The following NRG4 variants were observed in gnomAD, a reference collection of about 807,000 sequenced individuals.
The protein encoded by NRG4 is neuregulin 4, also known as pro-neuregulin-4, membrane-bound isoform.
In NRG4, 10 loss-of-function variants were observed where a neutral mutation model predicts 15.0. That is an observed-to-expected ratio of 0.67 (90% confidence interval 0.41 to 1.13). NRG4 has a LOEUF of 1.13. NRG4 is among the 50% of genes most tolerant of loss of function. The pLI, the probability that NRG4 is intolerant of heterozygous loss-of-function variation, is 0.00. For synonymous variants in NRG4, 41 were observed against 50.1 expected (o/e 0.82, Z 0.77); for missense variants, 139 against 140.2 (o/e 0.99, Z 0.04).
chr15:76,055,664 ATAAT>A (rs140952754), intron 2 of NRG4, among the ~76,000 whole-genome samples: 5,610 of 152,284 alleles, frequency 0.037, 177 homozygotes, highest in African/African-American at 0.085. Flanking sequence ...TATTAAAAAA[ATAAT>A]TAAAATGTGC....
At chr15:75,960,256 G>A (rs1171176631) in intron 4 of NRG4, among the ~76,000 whole-genome samples, 2 of 152,164 alleles carry the variant, frequency 1.3e-5, no homozygotes, top group Non-Finnish European at 2.9e-5. Flanking sequence ...ATATTAGACT[G>A]ACAGAATGTT....
intron 4 of NRG4, among the ~76,000 whole-genome samples, chr15:76,037,265 A>G (rs1408214028): frequency 2.0e-5 from 3 of 152,174 alleles, no homozygotes; most frequent in Non-Finnish European, 4.4e-5. Flanking sequence ...CACTCACAGC[A>G]CCTGATTTTA....
intron 3 of NRG4, among the ~76,000 whole-genome samples, chr15:75,990,547 C>G (rs914788333): frequency 6.6e-6 from 1 of 152,064 alleles, no homozygotes; most frequent in Admixed American, 6.5e-5. Context: ...GAGAGCAAGT[C>G]TGGTCCAATT....
At chr15:75,953,200 G>T (rs2032017162) in intron 5 of NRG4, among the ~76,000 whole-genome samples, 1 of 152,220 alleles carries the variant, frequency 6.6e-6, no homozygotes, top group African/African-American at 2.4e-5. Context: ...TTTTATATAT[G>T]GTATGTAGGG....
At chr15:75,997,539 A>G (rs746926653) in intron 3 of NRG4, among the ~76,000 whole-genome samples, 2 of 152,162 alleles carry the variant, frequency 1.3e-5, no homozygotes, top group Non-Finnish European at 2.9e-5. Flanking sequence ...CAACAGACAC[A>G]TAAACACTAA....
chr15:75,965,644 G>A (rs1262665302), intron 3 of NRG4, among the ~76,000 whole-genome samples: 1 of 152,158 alleles, frequency 6.6e-6, no homozygotes, highest in South Asian at 2.1e-4. Flanking sequence ...AGTAAACACT[G>A]CCTACCAATG....
intron 3 of NRG4, among the ~76,000 whole-genome samples, chr15:75,964,360 ATT>A (rs1595961444): frequency 6.6e-6 from 1 of 152,232 alleles, no homozygotes; most frequent in Non-Finnish European, 1.5e-5. Flanking sequence ...TTTAAATAGA[ATT>A]AAGTAGGTAA....
chr15:76,021,079 A>G (rs2035137126), intron 5 of NRG4, among the ~76,000 whole-genome samples: 1 of 152,226 alleles, frequency 6.6e-6, no homozygotes, highest in Non-Finnish European at 1.5e-5. Context: ...TTCTTGTTAT[A>G]GGCTAATATA....
chr15:76,007,727 C>T (rs2034659287), intron 3 of NRG4, among the ~76,000 whole-genome samples: 4 of 152,168 alleles, frequency 2.6e-5, no homozygotes, highest in Admixed American at 2.6e-4. Context: ...CCGCGCCCAA[C>T]CTAAATGTAC....
chr15:75,953,802 C>T (rs1461998485), intron 5 of NRG4, among the ~76,000 whole-genome samples: 3 of 152,118 alleles, frequency 2.0e-5, no homozygotes, highest in Non-Finnish European at 4.4e-5. Context: ...AAGCAATTCT[C>T]CCACCTCCCA....
chr15:76,057,301 T>C (rs1241483418), intron 1 of NRG4: 1 of 152,216 alleles, frequency 6.6e-6, no homozygotes, highest in Non-Finnish European at 1.5e-5. Flanking sequence ...TCCGATTTTT[T>C]TTTCTAATCA....
At chr15:76,047,475 A>G (rs1162236455) in intron 4 of NRG4, among the ~76,000 whole-genome samples, 1 of 151,016 alleles carries the variant, frequency 6.6e-6, no homozygotes, top group Non-Finnish European at 1.5e-5. Flanking sequence ...TTGCAGCAAC[A>G]TAGATGAATC....
intron 2 of NRG4, among the ~76,000 whole-genome samples, chr15:76,054,467 T>G (rs971554696): frequency 1.3e-5 from 2 of 152,116 alleles, no homozygotes; most frequent in African/African-American, 4.8e-5. Flanking sequence ...CAGGCTAGAG[T>G]GCAGTGGCAC....
At chr15:75,985,853 C>T (rs938212304) in intron 3 of NRG4, among the ~76,000 whole-genome samples, 2 of 151,906 alleles carry the variant, frequency 1.3e-5, no homozygotes, top group Non-Finnish European at 2.9e-5. Context: ...AAAAAAATCA[C>T]AAGACAAGTG....
rs186503131 is a variant in NRG4 at position 75,983,090 on chromosome 15, A to G, written c.105-21116T>C. ...GAAACAATCCAAAATCACCAAGTAT[A>G]CAAAGAACCAAAAAATCAAATGTTC... On this transcript the variant is annotated intron_variant, in intron 3 of 5. Coordinates refer to ENST00000394907, the MANE Select transcript of NRG4 (RefSeq NM_138573.4). Among the ~76,000 whole-genome samples the G allele has an allele frequency of 1.4e-4, 22 of 152,338 alleles. No homozygotes were observed. In the Middle Eastern group the frequency reaches 0.02, roughly 141 times the overall value.
exon 4 of NRG4, chr15:76,052,167 AT>A (rs2036035478): frequency 6.6e-6 from 1 of 151,124 alleles, no homozygotes; most frequent in Admixed American, 6.6e-5. Context: ...CTTTAATAGA[AT>A]TTGTGGCCAC....
At chr15:76,012,677 G>A (rs761006094), upstream of NRG4, among the ~76,000 whole-genome samples, 3 of 152,112 alleles carry the variant, frequency 2.0e-5, no homozygotes, top group South Asian at 2.1e-4. Context: ...AATTCAAGAC[G>A]TAGTGTAAGT....
intron 3 of NRG4, among the ~76,000 whole-genome samples, chr15:75,992,797 T>C (rs1009682800): frequency 4.6e-5 from 7 of 152,178 alleles, no homozygotes; most frequent in African/African-American, 1.7e-4. Context: ...TTCTTTGACT[T>C]AGCATAATGT....
At position 75,955,953 on chromosome 15, in the gene NRG4, T is replaced by C; in HGVS notation, c.310A>G (p.Ser104Gly). 1.2e-6 allele frequency: 2 copies of C among 1,609,298 alleles called. No homozygotes were observed. Residue 104 changes from serine to glycine, a missense_variant, in exon 5 of 6, where the codon AGC (serine) becomes GGC (glycine). Transcript: ENST00000394907. ...VQYDINLVET[S>G]STSAHHSHEQ... ...TCACTGTGGTGGGCACTGGTACTGCTCGTCTCTACCAGGTTGATATCATAC... is the reference window on the plus strand; with the variant it reads ...TCACTGTGGTGGGCACTGGTACTGCCCGTCTCTACCAGGTTGATATCATAC...
Sources: allele counts gnomAD v4.1 joint callset (sites outside exome capture counted in the v4.1 genomes callset), GRCh38; gene constraint gnomAD v4.1.1; transcripts MANE v1.5; gene names NCBI Gene and HGNC (gene_info 2026-07-23, HGNC 2026-07-21).